PTPN4: variants seen among roughly 807,000 people sequenced by gnomAD.
The protein encoded by PTPN4 is tyrosine-protein phosphatase non-receptor type 4.
PTPN4 carries 49 observed loss-of-function variants against 135.5 expected under a neutral mutation model. The ratio of observed to expected loss-of-function variants is 0.36; its 90% CI spans 0.29 to 0.46. PTPN4 has a LOEUF of 0.46. PTPN4 is among the 20% of genes least tolerant of loss of function. The pLI, the probability that PTPN4 is intolerant of heterozygous loss-of-function variation, is 1.00. For missense variants in PTPN4, 860 were observed against 1,101.0 expected (o/e 0.78, Z 3.10); for synonymous variants, 333 against 369.9 (o/e 0.90, Z 1.14).
Position 119,952,147 on chromosome 2 carries a change from T to C in PTPN4, c.1813+18T>C, listed in dbSNP as rs1201677381. On this transcript the variant is annotated intron_variant, in intron 19 of 26. Coordinates refer to ENST00000263708, the MANE Select transcript of PTPN4 (RefSeq NM_002830.4). ...ACCTAATGGTGAGTACTCTATGTAG[T>C]ACCAGATAATTTATAGTAATTTATT... 1 of 1,594,572 alleles carries C rather than the reference T, an allele frequency of 6.3e-7. No homozygotes were observed.
chr2:119,788,099 C>T (rs1311352766), intron 1 of PTPN4, among the ~76,000 whole-genome samples: 1 of 151,824 alleles, frequency 6.6e-6, no homozygotes, highest in Admixed American at 6.6e-5. Context: ...AAAAATTTAC[C>T]CTTGTTACAG....
At chr2:119,842,561 T>C (rs757233179) in intron 2 of PTPN4, among the ~76,000 whole-genome samples, 8 of 152,182 alleles carry the variant, frequency 5.3e-5, no homozygotes, top group Admixed American at 1.3e-4. Flanking sequence ...ACAGAAAAAT[T>C]CAGGTGGACT....
At chr2:119,950,115 C>CT (rs1679190794) in intron 18 of PTPN4, among the ~76,000 whole-genome samples, 2 of 152,236 alleles carry the variant, frequency 1.3e-5, no homozygotes, top group Non-Finnish European at 2.9e-5. Flanking sequence ...TAGACCACCT[C>CT]TTTTTTTCTG....
At chr2:119,848,015 G>GT (rs1037170544) in intron 2 of PTPN4, among the ~76,000 whole-genome samples, 1 of 151,538 alleles carries the variant, frequency 6.6e-6, no homozygotes, top group Non-Finnish European at 1.5e-5. Flanking sequence ...GATATTCTTT[G>GT]TTTTTTGGGG....
At chr2:119,800,405 T>C (rs547974261) in intron 1 of PTPN4, among the ~76,000 whole-genome samples, 9 of 152,132 alleles carry the variant, frequency 5.9e-5, no homozygotes, top group Non-Finnish European at 1.0e-4. Flanking sequence ...AATGTCTTTT[T>C]ATGTTTTTTT....
chr2:119,765,864 A>G (rs1033204285), intron 1 of PTPN4, among the ~76,000 whole-genome samples: 4 of 151,946 alleles, frequency 2.6e-5, no homozygotes, highest in Non-Finnish European at 5.9e-5. Flanking sequence ...CTTGTTGGAT[A>G]TGTCTGTCTC....
intron 9 of PTPN4, among the ~76,000 whole-genome samples, chr2:119,887,302 A>G (rs1678174288): frequency 6.6e-6 from 1 of 152,058 alleles, no homozygotes; most frequent in African/African-American, 2.4e-5. Flanking sequence ...CAGCCTGGGA[A>G]ACATAATGAG....
At chr2:119,823,092 GATT>G (rs1461922119) in intron 2 of PTPN4, among the ~76,000 whole-genome samples, 1 of 152,068 alleles carries the variant, frequency 6.6e-6, no homozygotes. Flanking sequence ...CTTCCTCAGT[GATT>G]ATTATCTAGT....
intron 2 of PTPN4, among the ~76,000 whole-genome samples, chr2:119,859,657 C>T (rs188142730): frequency 6.6e-5 from 10 of 152,318 alleles, no homozygotes; most frequent in African/African-American, 2.2e-4. Flanking sequence ...CGAACACCTC[C>T]TGCTACCAAT....
At chr2:119,826,671 A>T (rs908208342) in intron 2 of PTPN4, among the ~76,000 whole-genome samples, 1 of 152,214 alleles carries the variant, frequency 6.6e-6, no homozygotes, top group Admixed American at 6.5e-5. Context: ...GACAGTGTCA[A>T]AGTTGGAAAA....
chr2:119,949,100 A>G (rs957399625), intron 18 of PTPN4, among the ~76,000 whole-genome samples: 4 of 152,192 alleles, frequency 2.6e-5, no homozygotes, highest in African/African-American at 9.6e-5. Context: ...TTCTATAGAT[A>G]TATTCATTTC....
intron 2 of PTPN4, among the ~76,000 whole-genome samples, chr2:119,813,772 C>T (rs1290217874): frequency 6.6e-6 from 1 of 152,146 alleles, no homozygotes; most frequent in Non-Finnish European, 1.5e-5. Flanking sequence ...TGGGAAAATA[C>T]AGTCTGCCAA....
chr2:119,901,118 G>A (rs149743778), intron 10 of PTPN4, among the ~76,000 whole-genome samples: 2 of 152,116 alleles, frequency 1.3e-5, no homozygotes, highest in Non-Finnish European at 2.9e-5. Flanking sequence ...AACCAATATG[G>A]GTTTTATCAG....
At chr2:119,892,596 G>A (rs1678256098) in intron 9 of PTPN4, among the ~76,000 whole-genome samples, 2 of 152,158 alleles carry the variant, frequency 1.3e-5, no homozygotes, top group South Asian at 4.1e-4. Context: ...ATGAAATAGT[G>A]TATATAGCAG....
intron 9 of PTPN4, among the ~76,000 whole-genome samples, chr2:119,887,367 G>C (rs1385899086): frequency 6.6e-6 from 1 of 152,028 alleles, no homozygotes; most frequent in Non-Finnish European, 1.5e-5. Context: ...CATGCCTGTA[G>C]TCCCAGCTAC....
chr2:119,868,653 A>G (rs1012295354), intron 3 of PTPN4, among the ~76,000 whole-genome samples: 1 of 152,246 alleles, frequency 6.6e-6, no homozygotes, highest in African/African-American at 2.4e-5. Flanking sequence ...AGTCACAAAC[A>G]ATAGCATGAG....
intron 8 of PTPN4, among the ~76,000 whole-genome samples, chr2:119,885,148 T>C (rs1172432712): frequency 2.0e-5 from 3 of 152,100 alleles, no homozygotes; most frequent in Non-Finnish European, 1.5e-5. Flanking sequence ...GATGATTTCT[T>C]CCCCCCAGCT....
At chr2:119,868,635 C>A (rs1677866714) in intron 3 of PTPN4, among the ~76,000 whole-genome samples, 2 of 152,346 alleles carry the variant, frequency 1.3e-5, no homozygotes, top group Admixed American at 1.3e-4. Context: ...CGCTTAAAGG[C>A]ATTCTTAAGT....
intron 2 of PTPN4, among the ~76,000 whole-genome samples, chr2:119,848,724 C>T (rs543199243): frequency 6.6e-6 from 1 of 152,124 alleles, no homozygotes; most frequent in South Asian, 2.1e-4. Context: ...TCTCAGCCTC[C>T]TGAGTAGCTG....
Sources: gnomAD v4.1 joint callset for allele counts (sites outside exome capture counted in the v4.1 genomes callset) on GRCh38, gnomAD v4.1.1 for gene constraint, MANE v1.5 for transcripts, NCBI Gene and HGNC (gene_info 2026-07-23, HGNC 2026-07-21) for gene names.